HDAC9: variants seen among roughly 807,000 people sequenced by gnomAD.
HDAC9 encodes the protein MEF-2 interacting transcription repressor (MITR) protein.
HDAC9 carries 41 observed loss-of-function variants against 139.4 expected under a neutral mutation model. That is an observed-to-expected ratio of 0.29 (90% CI 0.23 to 0.38). The LOEUF is 0.38. Among genes scored for constraint, HDAC9 ranks in the 10% least tolerant of loss-of-function variants. The pLI is 1.00. For synonymous variants in HDAC9, 517 were observed against 476.2 expected, an observed-to-expected ratio of 1.09 and a Z score of -1.12; for missense variants, 1,147 against 1,297.0, an observed-to-expected ratio of 0.88 and a Z score of 1.78.
chr7:18,840,479 T>C (rs1796515599), intron 21 of HDAC9, among the ~76,000 whole-genome samples: 1 of 152,008 alleles, frequency 6.6e-6, no homozygotes, highest in Non-Finnish European at 1.5e-5. Flanking sequence ...CTAGTAGAGG[T>C]AGTGCACATT....
At chr7:18,588,048 G>A (rs73313277) in intron 3 of HDAC9, among the ~76,000 whole-genome samples, 3,676 of 152,174 alleles carry the variant, frequency 0.024, 139 homozygotes, top group African/African-American at 0.084. Context: ...ACCCATTAAG[G>A]GAGTGTATTG....
rs530952374 is a variant in HDAC9 at position 18,507,965 on chromosome 7, C to T, written c.22+11641C>T. On this transcript the variant is annotated intron_variant, in intron 2 of 25. Coordinates refer to ENST00000686413, the MANE Select transcript of HDAC9 (RefSeq NM_178425.4). ...CTGACCACTCTTTTAATGAGCGGGTCGAAGACTTTGGAAGATGAAATTGTT... is the reference window on the plus strand; with the variant it reads ...CTGACCACTCTTTTAATGAGCGGGTTGAAGACTTTGGAAGATGAAATTGTT... Among the ~76,000 whole-genome samples, 10 of 152,216 alleles carry T rather than the reference C, an allele frequency of 6.6e-5. No individual in the cohort carries two copies. In the South Asian group the frequency reaches 1.5e-3, roughly 22 times the overall value.
Position 18,178,241 on chromosome 7 carries a change from G to A in HDAC9, c.25+15892G>A, listed in dbSNP as rs1189974108. Among the ~76,000 whole-genome samples, 4 of 152,110 alleles carry A rather than the reference G, an allele frequency of 2.6e-5. No homozygotes were observed. In the East Asian group the frequency reaches 7.7e-4, roughly 29 times the overall value. ...TGGGATTACAGGCACATGCCACCAT[G>A]CTGGCTAATTGTTTTGTATTTTTAG... On this transcript the variant is annotated intron_variant, in intron 2 of 12. Transcript: ENST00000417496.
intron 17 of HDAC9, among the ~76,000 whole-genome samples, chr7:18,815,702 C>A (rs763295087): frequency 6.6e-6 from 1 of 152,212 alleles, no homozygotes; most frequent in Non-Finnish European, 1.5e-5. Flanking sequence ...CTTTACAGAG[C>A]AGGGCTGGCA....
intron 2 of HDAC9, among the ~76,000 whole-genome samples, chr7:18,575,269 T>C (rs1825651941): frequency 6.6e-6 from 1 of 152,238 alleles, no homozygotes; most frequent in African/African-American, 2.4e-5. Context: ...TCAAGGAATT[T>C]TGATTAACTT....
chr7:18,121,653 T>C (rs1784372313), intron 1 of HDAC9, among the ~76,000 whole-genome samples: 1 of 152,030 alleles, frequency 6.6e-6, no homozygotes. Flanking sequence ...AGAGATGTGC[T>C]CAGTGTGGCA....
intron 13 of HDAC9, among the ~76,000 whole-genome samples, chr7:18,746,986 G>C (rs1356153662): frequency 6.6e-6 from 1 of 152,134 alleles, no homozygotes; most frequent in Non-Finnish European, 1.5e-5. Context: ...GCCTTGAAGA[G>C]TGAAAAAAGA....
At chr7:18,913,134 T>C (rs1802884943) in intron 22 of HDAC9, among the ~76,000 whole-genome samples, 1 of 152,110 alleles carries the variant, frequency 6.6e-6, no homozygotes, top group Non-Finnish European at 1.5e-5. Context: ...TAAGTATATA[T>C]AAATAATGCA....
chr7:18,375,782 G>C (rs1562931240), intron 1 of HDAC9, among the ~76,000 whole-genome samples: 1 of 152,130 alleles, frequency 6.6e-6, no homozygotes, highest in Non-Finnish European at 1.5e-5. Flanking sequence ...ATCCTAGCTG[G>C]CCCTAACCAG....
chr7:18,442,265 T>A (rs1585933819), intron 1 of HDAC9, among the ~76,000 whole-genome samples: 2 of 152,200 alleles, frequency 1.3e-5, no homozygotes, highest in East Asian at 3.8e-4. Context: ...CCCCTATGTA[T>A]AAGAGTGGTT....
At chr7:18,929,849 G>C (rs1232225487) in intron 22 of HDAC9, among the ~76,000 whole-genome samples, 1 of 151,994 alleles carries the variant, frequency 6.6e-6, no homozygotes, top group African/African-American at 2.4e-5. Context: ...TGAGGCAGGA[G>C]AATTGCTTGA....
chr7:18,360,929 A>G (rs1205668674), intron 1 of HDAC9, among the ~76,000 whole-genome samples: 1 of 152,330 alleles, frequency 6.6e-6, no homozygotes, highest in South Asian at 2.1e-4. Flanking sequence ...AAAATTATTT[A>G]AAGAAATGGC....
At chr7:18,892,707 G>C (rs1476415090) in intron 22 of HDAC9, 1 of 152,012 alleles carries the variant, frequency 6.6e-6, no homozygotes, top group Non-Finnish European at 1.5e-5. Flanking sequence ...CTTTATTAAA[G>C]GATAATTTTT....
At chr7:18,118,542 C>G (rs1301862472) in intron 1 of HDAC9, among the ~76,000 whole-genome samples, 2 of 152,126 alleles carry the variant, frequency 1.3e-5, no homozygotes, top group Non-Finnish European at 2.9e-5. Context: ...TTGACAATTT[C>G]ACTGTCTGAG....
At chr7:18,216,645 A>G (rs910138109) in intron 2 of HDAC9, among the ~76,000 whole-genome samples, 1 of 152,206 alleles carries the variant, frequency 6.6e-6, no homozygotes, top group African/African-American at 2.4e-5. Context: ...CTTCATTAGT[A>G]GATTACCTAG....
chr7:18,105,607 GC>G (rs765676344), intron 1 of HDAC9, among the ~76,000 whole-genome samples: 11 of 149,584 alleles, frequency 7.4e-5, no homozygotes, highest in Non-Finnish European at 7.4e-5. Flanking sequence ...ACATCTAGAT[GC>G]TTTCTAGATG....
intron 1 of HDAC9, among the ~76,000 whole-genome samples, chr7:18,156,992 G>A (rs1461018484): frequency 6.6e-6 from 1 of 152,206 alleles, no homozygotes; most frequent in Non-Finnish European, 1.5e-5. Context: ...GGAGGCTAAG[G>A]TGGGAGGATC....
At chr7:18,464,481 A>G (rs754899878) in intron 1 of HDAC9, among the ~76,000 whole-genome samples, 2 of 151,978 alleles carry the variant, frequency 1.3e-5, no homozygotes, top group Non-Finnish European at 2.9e-5. Flanking sequence ...CTGTAGGTTC[A>G]TCTGTGTCAT....
chr7:18,116,573 C>T (rs1214881626), intron 1 of HDAC9, among the ~76,000 whole-genome samples: 1 of 151,948 alleles, frequency 6.6e-6, no homozygotes, highest in African/African-American at 2.4e-5. Flanking sequence ...ATATGTATCA[C>T]ATAAAATATA....
Sources: allele counts gnomAD v4.1 joint callset (sites outside exome capture counted in the v4.1 genomes callset), GRCh38; gene constraint gnomAD v4.1.1; transcripts MANE v1.5; gene names NCBI Gene and HGNC (gene_info 2026-07-23, HGNC 2026-07-21).